ADD2: variants seen among roughly 807,000 people sequenced by gnomAD.
ADD2 encodes adducin 2, also known as beta-adducin.
A neutral mutation model predicts 83.0 loss-of-function variants in ADD2; 23 were observed. The ratio of observed to expected loss-of-function variants is 0.28; its 90% confidence interval spans 0.20 to 0.39. The LOEUF is 0.39. Among genes scored for constraint, ADD2 ranks in the 10% least tolerant of loss-of-function variants. The pLI, the probability that ADD2 is intolerant of heterozygous loss-of-function variation, is 1.00. For missense variants in ADD2, 758 were observed against 944.9 expected (o/e 0.80, Z 2.59); for synonymous variants, 375 against 375.4 (o/e 1.00, Z 0.01).
chr2:70,673,221 C>T, intron 14 of ADD2: 1 of 1,613,260 alleles, frequency 6.2e-7, no homozygotes, highest in Non-Finnish European at 8.5e-7. Flanking sequence ...GTCATGTTTC[C>T]TTCATCAAAA....
intron 1 of ADD2, among the ~76,000 whole-genome samples, chr2:70,730,733 G>T (rs1377286798): frequency 6.6e-6 from 1 of 152,192 alleles, no homozygotes; most frequent in African/African-American, 2.4e-5. Flanking sequence ...CATATGTGAT[G>T]GTGGTCCCAT....
intron 1 of ADD2, among the ~76,000 whole-genome samples, chr2:70,753,985 C>T (rs960811262): frequency 6.6e-6 from 1 of 152,156 alleles, no homozygotes; most frequent in East Asian, 1.9e-4. Context: ...GGCGTCATCA[C>T]AGAGCCACAG....
At chr2:70,696,732 C>T (rs929604773) in intron 4 of ADD2, among the ~76,000 whole-genome samples, 1 of 152,170 alleles carries the variant, frequency 6.6e-6, no homozygotes, top group Non-Finnish European at 1.5e-5. Flanking sequence ...AAGAATAAAC[C>T]TCTGAGTGGA....
At chr2:70,683,562 G>T (rs1223255032) in intron 10 of ADD2, 29 bp downstream of exon 10, 9 of 1,597,022 alleles carry the variant, frequency 5.6e-6, no homozygotes, top group Non-Finnish European at 7.7e-6. Flanking sequence ...CAATGGACTG[G>T]CCTGGAAGGG....
intron 4 of ADD2, among the ~76,000 whole-genome samples, chr2:70,699,790 C>CA (rs201709703): frequency 0.036 from 5,456 of 151,340 alleles, 313 homozygotes; most frequent in African/African-American, 0.12. Context: ...AAAAACAAAA[C>CA]AAAAAAAACC....
intron 6 of ADD2, among the ~76,000 whole-genome samples, chr2:70,692,980 T>A (rs189933999): frequency 1.3e-4 from 20 of 152,086 alleles, no homozygotes; most frequent in Admixed American, 2.0e-4. Flanking sequence ...GAGTCTTTCA[T>A]CCCATCAGAA....
At chr2:70,682,250 C>T (rs1403681990) in intron 10 of ADD2, among the ~76,000 whole-genome samples, 1 of 152,046 alleles carries the variant, frequency 6.6e-6, no homozygotes, top group East Asian at 1.9e-4. Flanking sequence ...GCTTAGTATT[C>T]TTTTTTCACT....
chr2:70,750,626 G>A (rs1674461303), intron 1 of ADD2, among the ~76,000 whole-genome samples: 1 of 152,220 alleles, frequency 6.6e-6, no homozygotes, highest in South Asian at 2.1e-4. Flanking sequence ...AAGGTAGGAA[G>A]AAACAGGGAA....
At position 70,672,896 on chromosome 2, in the gene ADD2, G is replaced by A. The variant is rs1339170066; in HGVS notation, c.1852C>T (p.Pro618Ser). The A allele has an allele frequency of 1.9e-6, 3 of 1,612,842 alleles. No homozygotes were observed. In the South Asian group the frequency reaches 3.3e-5, roughly 18 times the overall value. The change falls in exon 15 of 16, where the codon CCT becomes TCT. Residue 618 changes from proline to serine, a missense_variant. This residue lies in a region of ADD2 where 165 missense variants were observed against 176.2 expected (regional missense o/e 0.94). Transcript: ENST00000264436. ...EAETKSPLVS[P>S]SKSLEEGTKK... ...GACTCACCCTCTAAAGACTTGGAAG[G>A]AGAGACTAAAGGGCTCTTTGTCTCT...
rs1216373730 is a variant in ADD2 at position 70,706,139 on chromosome 2, G to A, written c.183+87C>T. 2 of 1,401,846 alleles carry A rather than the reference G, an allele frequency of 1.4e-6. No individual in the cohort carries two copies. The highest frequency in any genetic ancestry group is 1.9e-5 in the Admixed American group (1 of 53,922). 86.8% of individuals were successfully genotyped at this position (1,401,846 alleles called of 1,614,324 possible). The stretch of plus-strand genomic sequence containing the variant: ...TTCTACTGACCCTGAGCAAGGGAAA[G>A]AGGAGTTACTCATCTTTCGGGTGGG... On this transcript the variant is annotated intron_variant, in intron 3 of 15. Transcript: ENST00000264436. The surrounding 1 kb of genome is among the most constrained non-coding windows in gnomAD (Gnocchi z 5.0).
chr2:70,767,094 C>T (rs1675423489), intron 1 of ADD2, among the ~76,000 whole-genome samples: 1 of 152,144 alleles, frequency 6.6e-6, no homozygotes, highest in African/African-American at 2.4e-5. Context: ...TCTGCCCCTC[C>T]CTCCCTTCCC....
chr2:70,739,531 T>A (rs7355252), intron 1 of ADD2, among the ~76,000 whole-genome samples: 1 of 152,034 alleles, frequency 6.6e-6, no homozygotes, highest in Admixed American at 6.5e-5. Flanking sequence ...CTTATTACTG[T>A]TATGTACCCA....
chr2:70,676,974 A>G lies in ADD2; in HGVS notation c.1504-89T>C. 1 of 1,540,064 alleles carries G rather than the reference A, an allele frequency of 6.5e-7. No individual in the cohort carries two copies. Among genetic ancestry groups the G allele is most frequent in the South Asian group, 1.3e-5 (1 of 79,684 alleles). On this transcript the variant is annotated intron_variant, in intron 12 of 15. Coordinates refer to ENST00000264436, the MANE Select transcript of ADD2 (RefSeq NM_001617.4). The surrounding 1 kb of genome is among the most constrained non-coding windows in gnomAD (Gnocchi z 4.8). ...GGGCATACGGGTGTGCCTGGGGTCT[A>G]GAAAGGTCCTCTAGCGGTGTGGGAG...
chr2:70,677,116 T>C (rs781867903), intron 12 of ADD2, among the ~76,000 whole-genome samples: 6 of 152,132 alleles, frequency 3.9e-5, no homozygotes, highest in Admixed American at 2.0e-4. Flanking sequence ...GAAGGAGCTG[T>C]AAACTATGAA....
rs1328847315 is a variant in ADD2, at chr2:70,660,985, T to C, written c.*2440A>G. 2 of 152,174 alleles carry C rather than the reference T, an allele frequency of 1.3e-5. No individual in the cohort carries two copies. The highest frequency in any genetic ancestry group is 2.9e-5 in the Non-Finnish European group (2 of 68,028). 9.4% of individuals were successfully genotyped at this position (152,174 alleles called of 1,614,324 possible). A position where few individuals can be genotyped will look rare whatever the true frequency, so the allele number is the denominator to read the frequency against. ...CTCATGCCTGGCCCTTGACCCAAGC[T>C]CAATGCATGTTTTTGGAATGCATGA... On this transcript the variant is annotated 3_prime_UTR_variant, in exon 16 of 16. Coordinates refer to ENST00000264436, the MANE Select transcript of ADD2 (RefSeq NM_001617.4).
intron 1 of ADD2, among the ~76,000 whole-genome samples, chr2:70,742,878 AG>A (rs1673995199): frequency 6.6e-6 from 1 of 152,198 alleles, no homozygotes; most frequent in Non-Finnish European, 1.5e-5. Flanking sequence ...TGTTTTTTTA[AG>A]TTATGTGATA....
intron 15 of ADD2, among the ~76,000 whole-genome samples, chr2:70,668,146 G>C (rs546476349): frequency 3.9e-5 from 6 of 152,318 alleles, no homozygotes; most frequent in African/African-American, 1.4e-4. Flanking sequence ...TGGCTTTCCT[G>C]TTCTAGAGCC....
chr2:70,736,561 T>A (rs1442327700), intron 1 of ADD2, among the ~76,000 whole-genome samples: 1 of 152,208 alleles, frequency 6.6e-6, no homozygotes, highest in Non-Finnish European at 1.5e-5. Context: ...AACATTCAGT[T>A]GAAATTTCTA....
At chr2:70,687,340 G>A (rs1269382056) in intron 9 of ADD2, 8 of 152,750 alleles carry the variant, frequency 5.2e-5, no homozygotes, top group Admixed American at 5.2e-4. Flanking sequence ...ACACCACCTT[G>A]TTGTCTATAC....
Sources: allele counts gnomAD v4.1 joint callset (sites outside exome capture counted in the v4.1 genomes callset), GRCh38; gene constraint gnomAD v4.1.1; regional missense constraint gnomAD v4.1.1; non-coding constraint Gnocchi (gnomAD v3.1); transcripts MANE v1.5; gene names NCBI Gene and HGNC (gene_info 2026-07-23, HGNC 2026-07-21).